ATP8A2: variants seen among roughly 807,000 people sequenced by gnomAD.
ATP8A2 encodes the protein ATPase phospholipid transporting 8A2, also known as phospholipid-transporting ATPase IB.
ATP8A2 carries 100 observed loss-of-function variants against 165.6 expected under a neutral mutation model. That is an observed-to-expected ratio of 0.60 (90% CI 0.51 to 0.71). The LOEUF (loss-of-function observed/expected upper bound fraction) is 0.71, where lower values mean the gene tolerates loss of function less well. Among genes scored for constraint, ATP8A2 ranks in the 30% least tolerant of loss-of-function variants. The pLI is 0.00. For synonymous variants in ATP8A2, 543 were observed against 548.8 expected, an observed-to-expected ratio of 0.99 and a Z score of 0.15; for missense variants, 1,227 against 1,479.5, an observed-to-expected ratio of 0.83 and a Z score of 2.80.
At chr13:25,922,724 G>C (rs944490724) in intron 33 of ATP8A2, among the ~76,000 whole-genome samples, 1 of 152,174 alleles carries the variant, frequency 6.6e-6, no homozygotes, top group Admixed American at 6.5e-5. Context: ...CGTCCACACA[G>C]GTCCAGATAT....
At chr13:25,673,345 A>G (rs555696664) in intron 24 of ATP8A2, among the ~76,000 whole-genome samples, 4 of 152,340 alleles carry the variant, frequency 2.6e-5, no homozygotes, top group Non-Finnish European at 4.4e-5. Flanking sequence ...GATAGGATAC[A>G]AGAAGATTAC....
intron 2 of ATP8A2, among the ~76,000 whole-genome samples, chr13:25,479,562 A>G (rs2036098155): frequency 1.3e-5 from 2 of 151,832 alleles, no homozygotes; most frequent in Non-Finnish European, 2.9e-5. Context: ...GGGTCATAGG[A>G]CAATAGTGGA....
intron 24 of ATP8A2, among the ~76,000 whole-genome samples, chr13:25,614,460 C>T (rs1218002869): frequency 6.6e-6 from 1 of 152,102 alleles, no homozygotes; most frequent in East Asian, 1.9e-4. Context: ...ATTCACCTTT[C>T]TCTGGTGCCT....
intron 28 of ATP8A2, among the ~76,000 whole-genome samples, chr13:25,835,659 A>C (rs1719725358): frequency 6.6e-6 from 1 of 152,134 alleles, no homozygotes; most frequent in Non-Finnish European, 1.5e-5. Flanking sequence ...GTCCTGAGTT[A>C]AAATGACATG....
chr13:25,522,713 A>T (rs2037709161), intron 2 of ATP8A2, among the ~76,000 whole-genome samples: 1 of 152,204 alleles, frequency 6.6e-6, no homozygotes, highest in Non-Finnish European at 1.5e-5. Flanking sequence ...TATCACATTT[A>T]TAGATTTGTA....
At chr13:25,899,754 T>A (rs149311105) in intron 33 of ATP8A2, among the ~76,000 whole-genome samples, 47 of 151,902 alleles carry the variant, frequency 3.1e-4, no homozygotes, top group African/African-American at 1.1e-3. Flanking sequence ...ACCACGGAGG[T>A]CTTTGTAAAG....
intron 24 of ATP8A2, among the ~76,000 whole-genome samples, chr13:25,667,651 T>TA (rs2042181697): frequency 2.0e-5 from 3 of 147,466 alleles, no homozygotes; most frequent in African/African-American, 7.4e-5. Flanking sequence ...CTTTTTTTTT[T>TA]TATAAATTAC....
At chr13:25,775,452 G>A (rs899816448) in intron 27 of ATP8A2, among the ~76,000 whole-genome samples, 1 of 152,174 alleles carries the variant, frequency 6.6e-6, no homozygotes, top group African/African-American at 2.4e-5. Context: ...CTTGGACACT[G>A]GTACTTACGT....
intron 13 of ATP8A2, among the ~76,000 whole-genome samples, chr13:25,557,786 A>T (rs527615610): frequency 2.6e-5 from 4 of 152,190 alleles, no homozygotes; most frequent in African/African-American, 9.7e-5. Context: ...CTAATTGAGG[A>T]TATGGGGAAA....
intron 33 of ATP8A2, among the ~76,000 whole-genome samples, chr13:25,920,026 A>G (rs572514530): frequency 1.5e-4 from 23 of 152,264 alleles, no homozygotes; most frequent in Middle Eastern, 3.4e-3. Flanking sequence ...GGGCTCAAGC[A>G]ATCCTCCCAC....
At chr13:25,804,900 C>T (rs932302335) in intron 27 of ATP8A2, among the ~76,000 whole-genome samples, 2 of 152,034 alleles carry the variant, frequency 1.3e-5, no homozygotes, top group Admixed American at 6.6e-5. Flanking sequence ...AAAAATGAGG[C>T]GTTAAATGGT....
intron 33 of ATP8A2, among the ~76,000 whole-genome samples, chr13:25,896,941 T>A (rs1953572929): frequency 1.3e-5 from 2 of 152,202 alleles, no homozygotes; most frequent in South Asian, 4.1e-4. Context: ...GCACGTGAGA[T>A]GGGTTTCCTG....
At chr13:25,792,861 C>A (rs946055573) in intron 27 of ATP8A2, among the ~76,000 whole-genome samples, 5 of 151,392 alleles carry the variant, frequency 3.3e-5, no homozygotes, top group African/African-American at 1.2e-4. Flanking sequence ...GAGGTCGAGG[C>A]TGCAGTGAGC....
chr13:25,596,363 T>G (rs2040236148), intron 24 of ATP8A2, among the ~76,000 whole-genome samples: 1 of 152,222 alleles, frequency 6.6e-6, no homozygotes. Flanking sequence ...TGGTGATATA[T>G]TTTGACAAAT....
At chr13:25,799,025 G>A in intron 27 of ATP8A2, among the ~76,000 whole-genome samples, 1 of 151,716 alleles carries the variant, frequency 6.6e-6, no homozygotes, top group Non-Finnish European at 1.5e-5. Flanking sequence ...ATTAACAGGA[G>A]AAAAGCACAC....
intron 24 of ATP8A2, among the ~76,000 whole-genome samples, chr13:25,614,072 G>A (rs1037752902): frequency 6.6e-6 from 1 of 152,156 alleles, no homozygotes; most frequent in Non-Finnish European, 1.5e-5. Context: ...CTGTAGTCTA[G>A]ATCTCTAGCA....
chr13:25,804,050 G>GA (rs1385136180), intron 27 of ATP8A2, among the ~76,000 whole-genome samples: 2 of 152,156 alleles, frequency 1.3e-5, no homozygotes, highest in Non-Finnish European at 2.9e-5. Flanking sequence ...AGTTTTTAGA[G>GA]AAAAAAGCAC....
At chr13:26,014,064 AAG>A (rs1389905779) in intron 36 of ATP8A2, among the ~76,000 whole-genome samples, 2 of 152,148 alleles carry the variant, frequency 1.3e-5, no homozygotes, top group Non-Finnish European at 2.9e-5. Context: ...TCTGGCCCAA[AAG>A]AGAGGTAAGT....
chr13:25,685,085 C>T (rs764279307), intron 24 of ATP8A2, among the ~76,000 whole-genome samples: 3 of 152,154 alleles, frequency 2.0e-5, no homozygotes, highest in Non-Finnish European at 2.9e-5. Context: ...CCTCCCCAAC[C>T]CCTCCTATCC....
Sources: gnomAD v4.1 joint callset for allele counts (sites outside exome capture counted in the v4.1 genomes callset) on GRCh38, gnomAD v4.1.1 for gene constraint, MANE v1.5 for transcripts, NCBI Gene and HGNC (gene_info 2026-07-23, HGNC 2026-07-21) for gene names.